Variants in KCNH8 observed in about 807,000 individuals in gnomAD.
The protein encoded by KCNH8 is voltage-gated delayed rectifier potassium channel KCNH8.
Under a neutral mutation model 103.6 loss-of-function variants are expected in KCNH8, and 70 were observed. The ratio of observed to expected loss-of-function variants is 0.68; its 90% confidence interval spans 0.56 to 0.82. The LOEUF is 0.82. KCNH8 is among the 40% of genes least tolerant of loss of function. The pLI is 0.00. For missense variants in KCNH8, 1,217 were observed against 1,329.9 expected, an observed-to-expected ratio of 0.92 and a Z score of 1.32; for synonymous variants, 498 against 489.4, an observed-to-expected ratio of 1.02 and a Z score of -0.23.
intron 11 of KCNH8, among the ~76,000 whole-genome samples, chr3:19,498,834 C>A (rs751482811): frequency 4.6e-5 from 7 of 151,928 alleles, no homozygotes; most frequent in Non-Finnish European, 8.8e-5. Flanking sequence ...GCTGGAGTAC[C>A]CGGCCGTATG....
intron 15 of KCNH8, among the ~76,000 whole-genome samples, chr3:19,521,271 G>C (rs2068966667): frequency 6.6e-6 from 1 of 151,990 alleles, no homozygotes; most frequent in Non-Finnish European, 1.5e-5. Context: ...CACTATGGAA[G>C]AAAGAGAATT....
intron 1 of KCNH8, among the ~76,000 whole-genome samples, chr3:19,249,386 A>G (rs1452752033): frequency 2.6e-5 from 4 of 152,250 alleles, no homozygotes; most frequent in Non-Finnish European, 5.9e-5. Flanking sequence ...AATCCTCTTT[A>G]GAATTGAAAT....
chr3:19,310,366 C>T (rs2065192238), intron 3 of KCNH8, among the ~76,000 whole-genome samples: 1 of 151,824 alleles, frequency 6.6e-6, no homozygotes, highest in African/African-American at 2.4e-5. Flanking sequence ...TAGCAACTTA[C>T]AAAAATATTT....
chr3:19,393,681 G>C (rs1297195629), intron 6 of KCNH8, among the ~76,000 whole-genome samples: 2 of 151,990 alleles, frequency 1.3e-5, no homozygotes, highest in Non-Finnish European at 2.9e-5. Flanking sequence ...CTAACCACCA[G>C]CTTGAGAAAT....
intron 5 of KCNH8, among the ~76,000 whole-genome samples, chr3:19,375,545 G>T (rs2125120190): frequency 6.7e-6 from 1 of 149,674 alleles, no homozygotes; most frequent in African/African-American, 2.5e-5. Flanking sequence ...TTTGCCTTTG[G>T]TTTGAATGTC....
chr3:19,330,217 C>G (rs1468743890), intron 3 of KCNH8, among the ~76,000 whole-genome samples: 1 of 152,078 alleles, frequency 6.6e-6, no homozygotes, highest in Non-Finnish European at 1.5e-5. Context: ...TAAGCTTGGC[C>G]AAAAGTATGT....
intron 11 of KCNH8, among the ~76,000 whole-genome samples, chr3:19,498,771 C>T (rs1256915333): frequency 6.6e-6 from 1 of 152,022 alleles, no homozygotes; most frequent in African/African-American, 2.4e-5. Context: ...TGTGGATGTC[C>T]TTTCTGTTTG....
chr3:19,195,885 C>T (rs1297522459), intron 1 of KCNH8, among the ~76,000 whole-genome samples: 3 of 152,002 alleles, frequency 2.0e-5, no homozygotes, highest in Non-Finnish European at 4.4e-5. Flanking sequence ...GTTCCTTGGT[C>T]CTCCAGCTAA....
At chr3:19,376,946 A>G (rs938540520) in intron 5 of KCNH8, among the ~76,000 whole-genome samples, 10 of 152,220 alleles carry the variant, frequency 6.6e-5, no homozygotes, top group Admixed American at 5.2e-4. Context: ...GTACACAGCA[A>G]TGCTGTGCAC....
At position 19,418,211 on chromosome 3, in the gene KCNH8, A is replaced by C. The variant is rs141214279; in HGVS notation, c.1178-19953A>C. Among the ~76,000 whole-genome samples, 613 of 152,324 alleles carry C rather than the reference A, an allele frequency of 4.0e-3. 5 individuals carry two copies. The highest frequency in any genetic ancestry group is 0.017 in the Middle Eastern group (5 of 294). ...AGAAGGAAATCTCACAGTGTATTTG[A>C]GGAATTGTGAGTGGATCAGTTGGCT... On this transcript the variant is annotated intron_variant, in intron 7 of 15. Transcript: ENST00000328405.
chr3:19,149,496 A>T (rs148267342), intron 1 of KCNH8, among the ~76,000 whole-genome samples: 4 of 151,352 alleles, frequency 2.6e-5, no homozygotes, highest in Admixed American at 6.6e-5. Context: ...TAGCTCATTT[A>T]AGCTACAGTA....
intron 2 of KCNH8, among the ~76,000 whole-genome samples, chr3:19,278,198 C>T (rs985407339): frequency 3.9e-5 from 6 of 152,006 alleles, no homozygotes; most frequent in South Asian, 2.1e-4. Flanking sequence ...AAAGGATAAG[C>T]GAGCATGCTA....
intron 5 of KCNH8, among the ~76,000 whole-genome samples, chr3:19,385,916 G>T (rs2066350020): frequency 6.6e-6 from 1 of 152,082 alleles, no homozygotes; most frequent in African/African-American, 2.4e-5. Context: ...TTAATTATTT[G>T]TATGTGGTGC....
chr3:19,241,074 A>AT (rs1476294809), intron 1 of KCNH8, among the ~76,000 whole-genome samples: 2 of 152,098 alleles, frequency 1.3e-5, no homozygotes, highest in Non-Finnish European at 2.9e-5. Flanking sequence ...ACACTAATTA[A>AT]GATACCTCTG....
At chr3:19,493,054 T>C (rs973138392) in intron 11 of KCNH8, among the ~76,000 whole-genome samples, 1 of 151,210 alleles carries the variant, frequency 6.6e-6, no homozygotes, top group Non-Finnish European at 1.5e-5. Context: ...GAAATGCTAT[T>C]GATTTTTGTA....
intron 1 of KCNH8, among the ~76,000 whole-genome samples, chr3:19,213,910 G>A (rs1374557942): frequency 1.3e-5 from 2 of 152,186 alleles, no homozygotes; most frequent in Admixed American, 6.5e-5. Context: ...CAAGCCTGCA[G>A]CTTCAGCATG....
chr3:19,280,467 C>T (rs1045680578), intron 2 of KCNH8, among the ~76,000 whole-genome samples: 1 of 152,022 alleles, frequency 6.6e-6, no homozygotes, highest in Non-Finnish European at 1.5e-5. Flanking sequence ...CTTTTAACAT[C>T]ATAGATTAGT....
At chr3:19,504,964 GAGAT>G (rs1042614172) in intron 11 of KCNH8, among the ~76,000 whole-genome samples, 2 of 147,678 alleles carry the variant, frequency 1.4e-5, no homozygotes, top group African/African-American at 5.1e-5. Flanking sequence ...AAGAAAATGT[GAGAT>G]ATATATATAT....
At chr3:19,242,361 G>A (rs1372173593) in intron 1 of KCNH8, among the ~76,000 whole-genome samples, 1 of 152,096 alleles carries the variant, frequency 6.6e-6, no homozygotes, top group East Asian at 1.9e-4. Flanking sequence ...GTGCAGAGGA[G>A]GCTGGGCAAC....
Sources: allele counts gnomAD v4.1 joint callset (sites outside exome capture counted in the v4.1 genomes callset), GRCh38; gene constraint gnomAD v4.1.1; transcripts MANE v1.5; gene names NCBI Gene and HGNC (gene_info 2026-07-23, HGNC 2026-07-21).